HNRNPM: variants seen among roughly 807,000 people sequenced by gnomAD.
HNRNPM encodes heterogeneous nuclear ribonucleoprotein M, also known as CEA receptor.
Under a neutral mutation model 73.1 loss-of-function variants are expected in HNRNPM, and 11 were observed. The observed-to-expected ratio is 0.15, with a 90% CI of 0.09 to 0.25. The LOEUF is 0.25. HNRNPM is among the 10% of genes least tolerant of loss of function. The probability of loss-of-function intolerance (pLI) is 1.00; values close to 1 mark genes in which losing one functional copy is unlikely to be tolerated. For missense variants in HNRNPM, 789 were observed against 1,067.9 expected, an observed-to-expected ratio of 0.74 and a Z score of 3.64; for synonymous variants, 407 against 355.2, an observed-to-expected ratio of 1.15 and a Z score of -1.64.
At chr19:8,463,530 G>A (rs758736773) in intron 4 of HNRNPM, 26 bp downstream of exon 4, 2 of 1,613,606 alleles carry the variant, frequency 1.2e-6, no homozygotes, top group South Asian at 1.1e-5. Context: ...TTACTTATTG[G>A]TATTTGAGCC....
intron 12 of HNRNPM, among the ~76,000 whole-genome samples, chr19:8,479,650 C>T (rs938646048): frequency 6.6e-6 from 1 of 151,430 alleles, no homozygotes; most frequent in African/African-American, 2.4e-5. Flanking sequence ...GTGTATGTTG[C>T]CCAGGCTTAT....
At chr19:8,476,579 AGAG>A (rs1970524204) in intron 12 of HNRNPM, among the ~76,000 whole-genome samples, 1 of 13,110 alleles carries the variant, frequency 7.6e-5, no homozygotes, top group African/African-American at 9.9e-5. Flanking sequence ...AAAAAAAAAA[AGAG>A]AGATTGTTAA....
chr19:8,459,647 C>CT (rs1236317874), intron 2 of HNRNPM, among the ~76,000 whole-genome samples: 17 of 152,156 alleles, frequency 1.1e-4, no homozygotes, highest in Admixed American at 6.5e-5. Context: ...TGTATTCCCT[C>CT]TTTTTTTCTT....
intron 5 of HNRNPM, among the ~76,000 whole-genome samples, chr19:8,464,076 C>G (rs1433222445): frequency 1.3e-5 from 2 of 151,874 alleles, no homozygotes; most frequent in Admixed American, 6.6e-5. Context: ...GAAACCCCCT[C>G]TCTACAAAAG....
chr19:8,474,132 G>C, intron 11 of HNRNPM, 35 bp from the exon 12 acceptor site: 1 of 1,497,676 alleles, frequency 6.7e-7, no homozygotes, highest in Non-Finnish European at 9.1e-7. Flanking sequence ...AAGCAGTCTT[G>C]TTGGATGATG....
At chr19:8,463,819 G>A (rs570778430) in intron 5 of HNRNPM, 133 bp downstream of exon 5, 21 of 645,282 alleles carry the variant, frequency 3.3e-5, no homozygotes, top group Middle Eastern at 4.2e-4. Flanking sequence ...CTAATGAAGA[G>A]TGTCGGTCAT....
At chr19:8,468,923 GC>G in intron 9 of HNRNPM, 89 bp downstream of exon 9, 1 of 1,042,876 alleles carries the variant, frequency 9.6e-7, no homozygotes. Flanking sequence ...TTGAACCTGT[GC>G]CAGGTTAGCC....
chr19:8,486,962 C>T (rs1971356771), intron 14 of HNRNPM, 62 bp from the exon 15 acceptor site: 1 of 1,322,118 alleles, frequency 7.6e-7, no homozygotes, highest in Non-Finnish European at 1.1e-6. Context: ...GAGCCAGCTG[C>T]AAGGCATGCC....
rs147540756 is a variant in HNRNPM, at chr19:8,485,784, C to T, written c.1356C>T (p.Ser452=). 8.4e-5 allele frequency: 135 copies of T among 1,604,120 alleles called. 1 individual carries two copies. In the East Asian group the frequency reaches 1.1e-3, roughly 14 times the overall value. ...TGGGCTCCGTGGAGCGCATGGGCTC[C>T]GGCATTGAGCGCATGGGCCCGCTGG... ...DRMGSVERMG[S]GIERMGPLGL... Residue 452 remains serine, a synonymous_variant, in exon 14 of 16, where the codon TCC becomes TCT. Coordinates refer to ENST00000325495, the MANE Select transcript of HNRNPM (RefSeq NM_005968.5).
intron 7 of HNRNPM, among the ~76,000 whole-genome samples, chr19:8,466,828 CAAAAAAAAAAA>C (rs61362863): frequency 1.1e-4 from 6 of 56,468 alleles, no homozygotes; most frequent in African/African-American, 1.5e-4. Flanking sequence ...GACTCAGTCT[CAAAAAAAAAAA>C]AAAAAAAAAA....
rs778386706 is a variant in HNRNPM at position 8,463,692 on chromosome 19, C to G, written c.438+6C>G. 6.3e-7 allele frequency: 1 copy of G among 1,586,816 alleles called. No individual in the cohort carries two copies. Among genetic ancestry groups the G allele is most frequent in the Non-Finnish European group, 8.7e-7 (1 of 1,155,398 alleles). On this transcript the variant is annotated splice_donor_region_variant and intron_variant, in intron 5 of 15. Transcript: ENST00000325495. The stretch of plus-strand genomic sequence containing the variant: ...GACCACTGAAAGTCAAAGAAGTAAG[C>G]TCTTGCTTAACACTGCGGATACTGT...
At chr19:8,478,207 A>G (rs1970653132) in intron 12 of HNRNPM, among the ~76,000 whole-genome samples, 1 of 152,126 alleles carries the variant, frequency 6.6e-6, no homozygotes, top group Non-Finnish European at 1.5e-5. Context: ...TATGTTAGGT[A>G]GGTTGTTCAG....
intron 8 of HNRNPM, 142 bp from the exon 9 acceptor site, chr19:8,468,632 C>T: frequency 1.5e-6 from 1 of 648,942 alleles, no homozygotes; most frequent in Non-Finnish European, 2.8e-6. Flanking sequence ...CTCCGCATGC[C>T]TTTCTACCCT....
Position 8,446,982 on chromosome 19 carries a change from T to A in HNRNPM, c.113+1871T>A, listed in dbSNP as rs1396222233. Among the ~76,000 whole-genome samples, 4 of 152,284 alleles carry A rather than the reference T, an allele frequency of 2.6e-5. No individual in the cohort carries two copies. The East Asian group carries it at 7.7e-4, about 29-fold the overall frequency. ...TTGGAGGGCTTTAAGATAAATTTAT[T>A]TACCGTATGCAGGAAGGAGTGCTGG... is the stretch of plus-strand genomic sequence containing the variant. On this transcript the variant is annotated intron_variant, in intron 1 of 15. Coordinates refer to ENST00000325495, the MANE Select transcript of HNRNPM (RefSeq NM_005968.5).
chr19:8,468,838 A>G lies in HNRNPM; in HGVS notation c.895+4A>G. 1 of 1,608,830 alleles carries G rather than the reference A, an allele frequency of 6.2e-7. No homozygotes were observed. Among genetic ancestry groups the G allele is most frequent in the East Asian group, 2.2e-5 (1 of 44,840 alleles). ...GAGCGTCCACAACAACTTCCCCGTA[A>G]GTGTTTCAGTGATTAGGGCTGAGAG... On this transcript the variant is annotated splice_donor_region_variant and intron_variant, in intron 9 of 15. Transcript: ENST00000325495.
At chr19:8,451,167 A>G (rs888111463) in intron 1 of HNRNPM, among the ~76,000 whole-genome samples, 1 of 151,972 alleles carries the variant, frequency 6.6e-6, no homozygotes, top group Non-Finnish European at 1.5e-5. Context: ...TCGGCCTCCC[A>G]AAGTGCTGGG....
intron 1 of HNRNPM, among the ~76,000 whole-genome samples, chr19:8,453,334 T>G (rs1308046973): frequency 6.6e-6 from 1 of 151,322 alleles, no homozygotes; most frequent in Non-Finnish European, 1.5e-5. Flanking sequence ...AGAGATGGAG[T>G]TTCAGCATGT....
chr19:8,446,217 C>T (rs1351853570), intron 1 of HNRNPM, among the ~76,000 whole-genome samples: 1 of 152,152 alleles, frequency 6.6e-6, no homozygotes, highest in Non-Finnish European at 1.5e-5. Context: ...ATTGAGTATA[C>T]TGACTCAGTG....
chr19:8,455,955 T>TC (rs1226001317), intron 2 of HNRNPM, among the ~76,000 whole-genome samples: 1 of 151,074 alleles, frequency 6.6e-6, no homozygotes, highest in Non-Finnish European at 1.5e-5. Flanking sequence ...TTTTTTTTTT[T>TC]TTTTTAAGCT....
Sources: allele counts gnomAD v4.1 joint callset (sites outside exome capture counted in the v4.1 genomes callset), GRCh38; gene constraint gnomAD v4.1.1; transcripts MANE v1.5; gene names NCBI Gene and HGNC (gene_info 2026-07-23, HGNC 2026-07-21).